CNTNAP2: variants seen among roughly 807,000 people sequenced by gnomAD.
The protein encoded by CNTNAP2 is contactin-associated protein-like 2.
In CNTNAP2, 98 loss-of-function variants were observed where a neutral mutation model predicts 155.2. That is an observed-to-expected ratio of 0.63 (90% CI 0.54 to 0.75). The LOEUF is 0.75. Ranked by LOEUF, CNTNAP2 falls within the 30% of genes least tolerant of loss-of-function variation. The pLI, the probability that CNTNAP2 is intolerant of heterozygous loss-of-function variation, is 0.00. For synonymous variants in CNTNAP2, 651 were observed against 631.2 expected (o/e 1.03, Z -0.47); for missense variants, 1,727 against 1,688.1 (o/e 1.02, Z -0.40).
intron 11 of CNTNAP2, among the ~76,000 whole-genome samples, chr7:147,526,156 C>T (rs891556206): frequency 6.7e-6 from 1 of 148,200 alleles, no homozygotes; most frequent in Non-Finnish European, 1.5e-5. Context: ...CACCCCACTG[C>T]ACTCCAGCCT....
intron 21 of CNTNAP2, among the ~76,000 whole-genome samples, chr7:148,274,661 T>C (rs1358992008): frequency 1.3e-5 from 2 of 152,218 alleles, no homozygotes; most frequent in Admixed American, 1.3e-4. Context: ...GCCATAATCA[T>C]AAGCTTCCTG....
chr7:148,003,545 T>C (rs1476008155), intron 15 of CNTNAP2, among the ~76,000 whole-genome samples: 3 of 152,148 alleles, frequency 2.0e-5, no homozygotes, highest in African/African-American at 7.2e-5. Context: ...GGGGTTACCA[T>C]TGAGAATCGG....
chr7:146,946,330 G>A (rs1797173375), intron 3 of CNTNAP2, among the ~76,000 whole-genome samples: 2 of 151,886 alleles, frequency 1.3e-5, no homozygotes, highest in South Asian at 4.1e-4. Flanking sequence ...AGAAATAAAA[G>A]TTCATTGTTT....
At chr7:147,562,940 TG>T (rs1800092372) in intron 12 of CNTNAP2, among the ~76,000 whole-genome samples, 1 of 152,194 alleles carries the variant, frequency 6.6e-6, no homozygotes, top group African/African-American at 2.4e-5. Context: ...CATTATTTAC[TG>T]GCTCCAGCAA....
At chr7:146,757,794 T>C (rs1187960739) in intron 1 of CNTNAP2, among the ~76,000 whole-genome samples, 1 of 152,190 alleles carries the variant, frequency 6.6e-6, no homozygotes, top group Non-Finnish European at 1.5e-5. Context: ...TCATTTATTT[T>C]TCACTGCTAT....
intron 8 of CNTNAP2, among the ~76,000 whole-genome samples, chr7:147,207,493 A>T (rs1205409638): frequency 6.6e-6 from 1 of 152,206 alleles, no homozygotes; most frequent in Non-Finnish European, 1.5e-5. Context: ...ATTATATAAT[A>T]TAGCATCATT....
In CNTNAP2 at chr7:147,700,211, G is replaced by A. The variant is rs150169326; in HGVS notation, c.2098+60905G>A. The stretch of plus-strand genomic sequence containing the variant: ...AAGTAAACGTAGATATGTAGAGTAG[G>A]TACTGATATCAGTAAGGATATGATG... On this transcript the variant is annotated intron_variant, in intron 13 of 23. Transcript: ENST00000361727. Among the ~76,000 whole-genome samples, 390 of 152,240 alleles carry A rather than the reference G, an allele frequency of 2.6e-3. 1 individual carries two copies. The highest frequency in any genetic ancestry group is 8.8e-3 in the African/African-American group (366 of 41,544).
intron 14 of CNTNAP2, among the ~76,000 whole-genome samples, chr7:147,929,941 T>C (rs1216425903): frequency 2.0e-5 from 3 of 152,120 alleles, no homozygotes; most frequent in African/African-American, 7.2e-5. Flanking sequence ...CAGTTCACAA[T>C]GGGGCTCAAG....
chr7:146,279,952 T>TTAC (rs141346815), intron 1 of CNTNAP2, among the ~76,000 whole-genome samples: 5,695 of 152,092 alleles, frequency 0.037, 166 homozygotes, highest in African/African-American at 0.078. Flanking sequence ...GAATTATAAA[T>TTAC]TACTATACGT....
intron 15 of CNTNAP2, among the ~76,000 whole-genome samples, chr7:148,005,096 T>A (rs1226530818): frequency 6.6e-6 from 1 of 152,162 alleles, no homozygotes; most frequent in Non-Finnish European, 1.5e-5. Flanking sequence ...ATAGACTGGG[T>A]GGCTTATAAA....
rs577593648 is a variant in CNTNAP2 at position 148,008,204 on chromosome 7, A to G, written c.2383+30215A>G. Among the ~76,000 whole-genome samples the G allele has an allele frequency of 1.2e-3, 172 of 147,050 alleles. 2 individuals carry two copies. Among genetic ancestry groups the G allele is most frequent in the African/African-American group, 4.4e-3 (170 of 38,644 alleles). On this transcript the variant is annotated intron_variant, in intron 15 of 23. Transcript: ENST00000361727. ...TGATGAAACCCTATGTCTACTAAAA[A>G]TACAAAAAAAAAAAAAAATTAGCTG... is the stretch of plus-strand genomic sequence containing the variant.
intron 1 of CNTNAP2, among the ~76,000 whole-genome samples, chr7:146,544,073 A>T (rs1797993165): frequency 6.6e-6 from 1 of 151,982 alleles, no homozygotes; most frequent in Non-Finnish European, 1.5e-5. Flanking sequence ...AAATTAGTTT[A>T]AAAATTAAAT....
intron 13 of CNTNAP2, among the ~76,000 whole-genome samples, chr7:147,720,168 T>C (rs1401706520): frequency 6.6e-6 from 1 of 152,158 alleles, no homozygotes; most frequent in Admixed American, 6.6e-5. Context: ...TAAACTGACC[T>C]GTATGCTAAT....
intron 1 of CNTNAP2, among the ~76,000 whole-genome samples, chr7:146,410,081 C>T (rs1198312852): frequency 2.6e-5 from 4 of 152,172 alleles, no homozygotes; most frequent in Non-Finnish European, 4.4e-5. Flanking sequence ...CAACTCCTCT[C>T]ACTGTTCTCT....
chr7:147,596,918 G>A (rs2116853236), intron 12 of CNTNAP2, among the ~76,000 whole-genome samples: 1 of 152,250 alleles, frequency 6.6e-6, no homozygotes, highest in Middle Eastern at 3.4e-3. Context: ...GCTCCCTCCA[G>A]AGTCATGACA....
chr7:146,743,717 G>A (rs1801758984), intron 1 of CNTNAP2, among the ~76,000 whole-genome samples: 1 of 152,076 alleles, frequency 6.6e-6, no homozygotes, highest in African/African-American at 2.4e-5. Context: ...TAATGCCCTT[G>A]CAGTAGACCT....
At chr7:147,402,051 C>T (rs192783822) in intron 10 of CNTNAP2, among the ~76,000 whole-genome samples, 7 of 152,272 alleles carry the variant, frequency 4.6e-5, no homozygotes, top group Non-Finnish European at 7.4e-5. Flanking sequence ...TGTCTTCATT[C>T]GCTAATTCCC....
chr7:147,553,610 A>G lies in CNTNAP2; in HGVS notation c.1778-8528A>G, dbSNP rs78192652. ...AGCAAATTCCCCAGAGCTAGGATTTATGACTTTTTTACTTTTTTCTTCCTA... is the reference window on the plus strand; with the variant it reads ...AGCAAATTCCCCAGAGCTAGGATTTGTGACTTTTTTACTTTTTTCTTCCTA... On this transcript the variant is annotated intron_variant, in intron 11 of 23. Transcript: ENST00000361727. Among the ~76,000 whole-genome samples, 2,988 of 152,250 alleles carry G rather than the reference A, an allele frequency of 0.02. 181 individuals are homozygous for G. In the East Asian group the frequency reaches 0.21, roughly 11 times the overall value.
intron 1 of CNTNAP2, among the ~76,000 whole-genome samples, chr7:146,714,069 C>G (rs1319306580): frequency 1.3e-5 from 2 of 152,076 alleles, no homozygotes; most frequent in African/African-American, 4.8e-5. Flanking sequence ...ACTGCTCTCT[C>G]CTGGAGTGCA....
Sources: gnomAD v4.1 joint callset for allele counts (sites outside exome capture counted in the v4.1 genomes callset) on GRCh38, gnomAD v4.1.1 for gene constraint, MANE v1.5 for transcripts, NCBI Gene and HGNC (gene_info 2026-07-23, HGNC 2026-07-21) for gene names.